Variants in POLR3A observed in about 807,000 individuals in gnomAD.
POLR3A encodes DNA-directed RNA polymerase III subunit RPC1.
A neutral mutation model predicts 152.8 loss-of-function variants in POLR3A; 112 were observed. That is an observed-to-expected ratio of 0.73 (90% CI 0.63 to 0.86). POLR3A has a LOEUF of 0.86. Among genes scored for constraint, POLR3A ranks in the 40% least tolerant of loss-of-function variants. POLR3A has a pLI of 0.00. For synonymous variants in POLR3A, 615 were observed against 652.1 expected, an observed-to-expected ratio of 0.94 and a Z score of 0.87; for missense variants, 1,385 against 1,743.1, an observed-to-expected ratio of 0.79 and a Z score of 3.66.
chr10:77,983,267 C>T (rs1336147555), intron 26 of POLR3A, among the ~76,000 whole-genome samples: 2 of 152,312 alleles, frequency 1.3e-5, no homozygotes, highest in Non-Finnish European at 1.5e-5. Context: ...CTAGAGAAAT[C>T]CCCAAACTGG....
Position 77,993,224 on chromosome 10 carries a change from C to A in POLR3A, c.2760G>T (p.Glu920Asp). The change falls in exon 20 of 31, where the codon GAG (glutamate) becomes GAT (aspartate). Residue 920 changes from glutamate to aspartate, a missense_variant. Physicochemically the swap from Glu to Asp is conservative, Grantham distance 45. This residue lies in a region of POLR3A where 178 missense variants were observed against 204.6 expected (regional missense o/e 0.87). Coordinates refer to ENST00000372371, the MANE Select transcript of POLR3A (RefSeq NM_007055.4). ...TGATGTTGTCCAGAACCCTTTTAAA[C>A]TCCAAAGGTTCATCTTTTCCCTCCA... ...AAMEGKDEPL[E>D]FKRVLDNIKA... 1 of 1,613,852 alleles carries A rather than the reference C, an allele frequency of 6.2e-7. No homozygotes were observed. The highest frequency in any genetic ancestry group is 8.5e-7 in the Non-Finnish European group (1 of 1,179,726).
chr10:78,013,734 A>T lies in POLR3A; in HGVS notation c.1488T>A (p.Tyr496Ter). ...TTTCATCACCATCAAAGTCAGCATT[A>T]TAGGGTGTACAGACACACTCATTAA... ...FRFNECVCTPYNADFDGDEMN... is the reference protein window; with the variant it reads ...FRFNECVCTP The change falls in exon 11 of 31, where the codon TAT (tyrosine) becomes TAA (stop). Residue 496 changes from tyrosine to a stop codon, truncating the protein, a stop_gained. Transcript: ENST00000372371. LOFTEE classifies it high-confidence loss of function. The T allele has an allele frequency of 6.2e-7, 1 of 1,614,150 alleles. No homozygotes were observed. The highest frequency in any genetic ancestry group is 8.5e-7 in the Non-Finnish European group (1 of 1,179,986).
intron 16 of POLR3A, among the ~76,000 whole-genome samples, chr10:78,003,812 C>T (rs12246344): frequency 0.032 from 4,922 of 151,946 alleles, 293 homozygotes; most frequent in African/African-American, 0.11. Context: ...CCTGTAATCC[C>T]AGCTACTTAG....
chr10:78,021,756 CTG>C, intron 7 of POLR3A, 74 bp from the exon 8 acceptor site: 1 of 1,610,328 alleles, frequency 6.2e-7, no homozygotes, highest in Non-Finnish European at 8.5e-7. Context: ...AACGGAGAGA[CTG>C]AGGAAAGCCT....
chr10:77,980,384 G>A (rs773150957), intron 29 of POLR3A, 111 bp from the exon 30 acceptor site: 306 of 1,046,648 alleles, frequency 2.9e-4, no homozygotes, highest in Non-Finnish European at 4.0e-4. Context: ...AAGACCCAAC[G>A]TCAGGTGTGA....
rs373306216 is a variant in POLR3A, at chr10:77,981,461, G to A, written c.3858C>T (p.His1286=). 164 of 1,613,824 alleles carry A rather than the reference G, an allele frequency of 1.0e-4. No homozygotes were observed. Among genetic ancestry groups the A allele is most frequent in the East Asian group, 3.8e-4 (17 of 44,884 alleles). ...VNHGMSIDRR[H]VMLLSDLMTY... ...TCATGAGGTCGGAGAGCAGCATCACGTGCCTCCTGTCGATGCTCATGCCGT... is the reference window on the plus strand; with the variant it reads ...TCATGAGGTCGGAGAGCAGCATCACATGCCTCCTGTCGATGCTCATGCCGT... The change falls in exon 29 of 31, where the codon CAC becomes CAT. Residue 1286 remains histidine (H), a synonymous_variant. Transcript: ENST00000372371.
chr10:78,004,988 AAACTAT>A, intron 15 of POLR3A, 100 bp from the exon 16 acceptor site: 2 of 904,446 alleles, frequency 2.2e-6, no homozygotes, highest in Non-Finnish European at 1.8e-6. Context: ...TACTATATAT[AAACTAT>A]GTATGTATAG....
chr10:77,977,458 T>G lies in POLR3A; in HGVS notation c.*20A>C. 1 of 1,612,988 alleles carries G rather than the reference T, an allele frequency of 6.2e-7. No homozygotes were observed. Among genetic ancestry groups the G allele is most frequent in the Non-Finnish European group, 8.5e-7 (1 of 1,179,052 alleles). ...CAGGACAAGGAGTCAAGGTCAGGCA[T>G]GGTCCCCTCTTTCTTTGGACTATGT... On this transcript the variant is annotated 3_prime_UTR_variant, in exon 31 of 31. Coordinates refer to ENST00000372371, the MANE Select transcript of POLR3A (RefSeq NM_007055.4).
chr10:78,010,481 A>G lies in POLR3A; in HGVS notation c.1632T>C (p.Asp544=), dbSNP rs779705519. ...NGEPLIAAIQ[D]FLTGAYLLTL... ...ACTTCACCAACCTACCTGTTAGAAA[A>G]TCCTGAATAGCAGCAATCAGCGGTT... is the stretch of plus-strand genomic sequence containing the variant. The change falls in exon 12 of 31, where the codon GAT becomes GAC. Residue 544 remains aspartate (D), a synonymous_variant. Transcript: ENST00000372371. The G allele has an allele frequency of 1.2e-6, 2 of 1,613,626 alleles. No individual in the cohort carries two copies. Among genetic ancestry groups the G allele is most frequent in the Admixed American group, 3.3e-5 (2 of 60,014 alleles).
At chr10:78,021,440 G>C in intron 8 of POLR3A, 106 bp downstream of exon 8, 1 of 1,086,440 alleles carries the variant, frequency 9.2e-7, no homozygotes, top group Non-Finnish European at 1.4e-6. Flanking sequence ...ACTGTGGGTT[G>C]AGTGGGTTAC....
chr10:77,985,452 A>T, intron 23 of POLR3A, 112 bp from the exon 24 acceptor site: 1 of 827,712 alleles, frequency 1.2e-6, no homozygotes, highest in Non-Finnish European at 2.1e-6. Context: ...AGATGCTATT[A>T]GGGTCGGAAA....
chr10:78,002,569 T>C (rs2042383886), intron 16 of POLR3A, among the ~76,000 whole-genome samples: 1 of 152,144 alleles, frequency 6.6e-6, no homozygotes. Flanking sequence ...TCTCACTCTG[T>C]TGCTGAGGTT....
intron 29 of POLR3A, 34 bp downstream of exon 29, chr10:77,981,394 G>A (rs766808387): frequency 1.2e-5 from 20 of 1,609,888 alleles, no homozygotes; most frequent in East Asian, 6.7e-5. Flanking sequence ...GTTTCGGGAT[G>A]CCCAGGCAGC....
At position 78,022,370 on chromosome 10, in the gene POLR3A, G is replaced by A; in HGVS notation, c.660C>T (p.Pro220=). The A allele has an allele frequency of 6.2e-7, 1 of 1,613,806 alleles. No individual in the cohort carries two copies. Among genetic ancestry groups the A allele is most frequent in the Non-Finnish European group, 8.5e-7 (1 of 1,179,946 alleles). The change falls in exon 6 of 31, where the codon CCC becomes CCT. Residue 220 remains proline, a synonymous_variant. Transcript: ENST00000372371. ...GTTTAAATAAATTCAGAACTACTAA[G>A]GGATTCAAGTTTTCCTATGGAAACG... The part of the protein sequence containing the change: ...LLGRAQENLN[P]LVVLNLFKRI...
chr10:78,021,317 G>A (rs1847576991), intron 8 of POLR3A, among the ~76,000 whole-genome samples: 1 of 152,106 alleles, frequency 6.6e-6, no homozygotes, highest in Non-Finnish European at 1.5e-5. Context: ...GCATATATAT[G>A]AGTAAATACA....
At position 78,017,697 on chromosome 10, in the gene POLR3A, G is replaced by C. The variant is rs745567838; in HGVS notation, c.1309C>G (p.Arg437Gly). The change falls in exon 10 of 31, where the codon CGA (arginine) becomes GGA (glycine). Residue 437 changes from arginine to glycine, a missense_variant. By Grantham distance (125) the Arg-to-Gly change is moderately radical. Coordinates refer to ENST00000372371, the MANE Select transcript of POLR3A (RefSeq NM_007055.4). ...TTGAGCTCTTGAGCCATCTTTTCTCGATTTCCGTATTTCAAAAACCTGAAT... is the reference window on the plus strand; with the variant it reads ...TTGAGCTCTTGAGCCATCTTTTCTCCATTTCCGTATTTCAAAAACCTGAAT... ...QMKRFLKYGN[R>G]EKMAQELKYG... 1.2e-6 allele frequency: 2 copies of C among 1,613,908 alleles called. No individual in the cohort carries two copies. The highest frequency in any genetic ancestry group is 1.7e-5 in the Admixed American group (1 of 59,990).
intron 19 of POLR3A, among the ~76,000 whole-genome samples, chr10:77,998,324 G>A (rs2131940752): frequency 6.6e-6 from 1 of 151,812 alleles, no homozygotes; most frequent in South Asian, 2.1e-4. Flanking sequence ...AAACTAAAGA[G>A]CTTCTGCACA....
chr10:77,999,624 T>C (rs1490348695), intron 19 of POLR3A, among the ~76,000 whole-genome samples: 1 of 152,168 alleles, frequency 6.6e-6, no homozygotes, highest in Non-Finnish European at 1.5e-5. Flanking sequence ...ACATAAATAG[T>C]TGCAAAGAGA....
chr10:78,014,425 CT>C (rs566933246), intron 10 of POLR3A, among the ~76,000 whole-genome samples: 6 of 151,352 alleles, frequency 4.0e-5, no homozygotes, highest in African/African-American at 1.2e-4. Flanking sequence ...CACTAACCCC[CT>C]TTTTTTTTGA....
Sources: gnomAD v4.1 joint callset for allele counts (sites outside exome capture counted in the v4.1 genomes callset) on GRCh38, gnomAD v4.1.1 for gene constraint, gnomAD v4.1.1 regional missense constraint, MANE v1.5 for transcripts, NCBI Gene and HGNC (gene_info 2026-07-23, HGNC 2026-07-21) for gene names.